The following ENO4 variants were observed in gnomAD, a reference collection of about 807,000 sequenced individuals.
ENO4 encodes the protein 2-phospho-D-glycerate hydro-lyase.
Under a neutral mutation model 63.2 loss-of-function variants are expected in ENO4, and 53 were observed. The observed-to-expected ratio is 0.84, with a 90% CI of 0.67 to 1.05. ENO4 has a LOEUF of 1.05. Ranked by LOEUF, ENO4 falls within the 50% of genes least tolerant of loss-of-function variation. The probability of loss-of-function intolerance (pLI) is 0.00; values close to 1 mark genes in which losing one functional copy is unlikely to be tolerated. For synonymous variants in ENO4, 266 were observed against 283.8 expected (o/e 0.94, Z 0.63); for missense variants, 719 against 772.0 (o/e 0.93, Z 0.81).
At chr10:116,873,189 A>G (rs982001761) in intron 9 of ENO4, among the ~76,000 whole-genome samples, 1 of 152,224 alleles carries the variant, frequency 6.6e-6, no homozygotes, top group African/African-American at 2.4e-5. Context: ...TATAGAAGTT[A>G]AAAGTTCTTG....
chr10:116,884,394 A>T, downstream of ENO4: 1 of 391,688 alleles, frequency 2.6e-6, no homozygotes, highest in Middle Eastern at 3.6e-4. Flanking sequence ...TTGTAATCAC[A>T]GTGAGAGAAA....
chr10:116,907,823 T>A lies in ENO4; in HGVS notation c.1195-3676T>A, dbSNP rs762420998. ...CTTCATGCCAGAGTCAAAAGACAGC[T>A]TTTGTCCACCAAGGCTAATAATCTT... is the stretch of plus-strand genomic sequence containing the variant. On this transcript the variant is annotated intron_variant, in intron 10 of 10. Transcript: ENST00000369207. The A allele has an allele frequency of 7.4e-5, 37 of 502,366 alleles. 1 individual carries two copies. The highest frequency in any genetic ancestry group is 5.1e-4 in the South Asian group (35 of 68,254). The allele number at this position is 502,366 out of a possible 1,614,324, so 31.1% of individuals were successfully genotyped here.
At position 116,860,903 on chromosome 10, in the gene ENO4, C is replaced by T. The variant is rs771758207; in HGVS notation, c.744C>T (p.Ala248=). 25 of 1,549,526 alleles carry T rather than the reference C, an allele frequency of 1.6e-5. No individual in the cohort carries two copies. The African/African-American group carries it at 1.8e-4, about 11-fold the overall frequency. The part of the protein sequence containing the change: ...IGAVSLAVAK[A]CAMLLNKPLY... Reference sequence around the variant, plus strand: ...CCGTGTCACTAGCTGTTGCCAAAGCCTGTGCCATGCTGCTTAATAAACCTC... The same window carrying T: ...CCGTGTCACTAGCTGTTGCCAAAGCTTGTGCCATGCTGCTTAATAAACCTC... Residue 248 remains alanine, a synonymous_variant, in exon 5 of 14, where the codon GCC becomes GCT. Coordinates refer to ENST00000341276, the MANE Select transcript of ENO4 (RefSeq NM_001242699.2).
chr10:116,903,393 T>C (rs1382637881), intron 10 of ENO4, among the ~76,000 whole-genome samples: 1 of 151,940 alleles, frequency 6.6e-6, no homozygotes, highest in Non-Finnish European at 1.5e-5. Context: ...GGTTTGATGG[T>C]GGGCGCCTGT....
At chr10:116,881,430 T>G (rs1847006016) in intron 13 of ENO4, 85 bp from the exon 14 acceptor site, 2 of 1,079,794 alleles carry the variant, frequency 1.9e-6, no homozygotes, top group East Asian at 2.7e-5. Context: ...GGACTAGTAC[T>G]GAAGATGATC....
chr10:116,911,976 A>T (rs998158294), downstream of ENO4: 11 of 682,622 alleles, frequency 1.6e-5, no homozygotes, highest in Non-Finnish European at 2.8e-5. Flanking sequence ...TTAAATTAGG[A>T]CTATGTCTTA....
At chr10:116,878,265 G>A (rs1301625178) in intron 11 of ENO4, among the ~76,000 whole-genome samples, 1 of 152,190 alleles carries the variant, frequency 6.6e-6, no homozygotes, top group Non-Finnish European at 1.5e-5. Flanking sequence ...AGCTGGAGCA[G>A]AACTCAGAGC....
chr10:116,906,408 T>C (rs1847974046), intron 10 of ENO4, among the ~76,000 whole-genome samples: 1 of 152,238 alleles, frequency 6.6e-6, no homozygotes, highest in South Asian at 2.1e-4. Context: ...TATAAATGCC[T>C]GGTTACCTAC....
chr10:116,889,599 G>C (rs1411866747), intron 10 of ENO4, among the ~76,000 whole-genome samples: 2 of 152,134 alleles, frequency 1.3e-5, no homozygotes, highest in Non-Finnish European at 2.9e-5. Flanking sequence ...AGAGGGGAAG[G>C]AACTGGCCCG....
chr10:116,876,121 T>G lies in ENO4; in HGVS notation c.1398T>G (p.Ile466Met). ...CACTTGGTTCCAGGTGTTACATAAT[T>G]GCAGGAACTGCTTCCAAAAGCATTT... ...YHALGSRCYIIAGTASKSISK... is the reference protein window; with the variant it reads ...YHALGSRCYIMAGTASKSISK... The change falls in exon 11 of 14, where the codon ATT (isoleucine) becomes ATG (methionine). Residue 466 changes from isoleucine (I) to methionine (M), a missense_variant. Ile to Met is a conservative substitution (Grantham distance 10). Transcript: ENST00000341276. The G allele has an allele frequency of 6.4e-7, 1 of 1,550,934 alleles. No individual in the cohort carries two copies. The highest frequency in any genetic ancestry group is 2.0e-5 in the Admixed American group (1 of 50,970).
chr10:116,889,881 G>T (rs1847281664), intron 10 of ENO4, among the ~76,000 whole-genome samples: 1 of 152,094 alleles, frequency 6.6e-6, no homozygotes, highest in Non-Finnish European at 1.5e-5. Flanking sequence ...CTCCTGGCTT[G>T]ACATCACTAG....
chr10:116,881,425 A>G (rs1229626311), intron 13 of ENO4, 90 bp from the exon 14 acceptor site: 9 of 968,574 alleles, frequency 9.3e-6, no homozygotes, highest in East Asian at 8.1e-5. Flanking sequence ...CCTTTGGACT[A>G]GTACTGAAGA....
chr10:116,885,532 T>C (rs1439757368), downstream of ENO4: 2 of 152,622 alleles, frequency 1.3e-5, no homozygotes, highest in African/African-American at 2.4e-5. Flanking sequence ...ATCTTCACCA[T>C]ACTGTACATA....
chr10:116,899,372 T>A (rs1193003260), intron 10 of ENO4, among the ~76,000 whole-genome samples: 1 of 151,964 alleles, frequency 6.6e-6, no homozygotes, highest in Non-Finnish European at 1.5e-5. Context: ...GAGCAACACA[T>A]CCATGGAGGC....
chr10:116,875,871 T>C (rs918403217), intron 10 of ENO4, among the ~76,000 whole-genome samples, 194 bp from the exon 11 acceptor site: 1 of 152,200 alleles, frequency 6.6e-6, no homozygotes, highest in African/African-American at 2.4e-5. Context: ...TCAAATTCAC[T>C]ATTAGTTTCT....
Position 116,859,132 on chromosome 10 carries a change from A to G in ENO4, c.628A>G (p.Lys210Glu), listed in dbSNP as rs1257446294. The G allele has an allele frequency of 6.5e-7, 1 of 1,529,614 alleles. No individual in the cohort carries two copies. Among genetic ancestry groups the G allele is most frequent in the South Asian group, 1.2e-5 (1 of 82,494 alleles). The allele number at this position is 1,529,614 out of a possible 1,614,324, so 94.8% of individuals were successfully genotyped here. ...ACCTCCTACCAAAAAAAAGGGGCAA[A>G]AGCCAGGTTGGTTGGTGACTTATCT... The part of the protein sequence containing the change: ...PPPPTKKKGQ[K>E]PGRKDTITEK... Residue 210 changes from lysine to glutamate, a missense_variant, in exon 4 of 14, where the codon AAG becomes GAG. This residue lies in a region of ENO4 where 544 missense variants were observed against 583.6 expected (regional missense o/e 0.93). Transcript: ENST00000341276.
intron 7 of ENO4, among the ~76,000 whole-genome samples, chr10:116,867,814 A>G (rs987306977): frequency 2.0e-5 from 3 of 152,214 alleles, no homozygotes; most frequent in African/African-American, 7.2e-5. Flanking sequence ...GAGAAATCCA[A>G]TAATAATGCA....
At chr10:116,886,284 A>C (rs1346012919), downstream of ENO4, 8 of 1,549,466 alleles carry the variant, frequency 5.2e-6, no homozygotes, top group African/African-American at 1.4e-5. Context: ...CAATATAACA[A>C]CACTAATCAT....
chr10:116,900,751 T>C, intron 10 of ENO4: 14 of 984,332 alleles, frequency 1.4e-5, no homozygotes, highest in Non-Finnish European at 1.7e-5. Flanking sequence ...CAAATGACTC[T>C]AGTCAAAAGA....
Sources: gnomAD v4.1 joint callset for allele counts (sites outside exome capture counted in the v4.1 genomes callset) on GRCh38, gnomAD v4.1.1 for gene constraint, gnomAD v4.1.1 regional missense constraint, MANE v1.5 for transcripts, NCBI Gene and HGNC (gene_info 2026-07-23, HGNC 2026-07-21) for gene names.